The following MYO9A variants were observed in gnomAD, a reference collection of about 807,000 sequenced individuals.
MYO9A encodes the protein myosin IXA.
MYO9A carries 103 observed loss-of-function variants against 293.3 expected under a neutral mutation model. The observed-to-expected ratio is 0.35, with a 90% confidence interval of 0.30 to 0.41. The LOEUF is 0.41. Ranked by LOEUF, MYO9A falls within the 10% of genes least tolerant of loss-of-function variation. The probability of loss-of-function intolerance (pLI) is 1.00; values close to 1 mark genes in which losing one functional copy is unlikely to be tolerated. For synonymous variants in MYO9A, 1,001 were observed against 1,035.7 expected (o/e 0.97, Z 0.64); for missense variants, 2,685 against 3,033.0 (o/e 0.89, Z 2.69).
chr15:71,992,001 C>A (rs547169631), intron 10 of MYO9A, among the ~76,000 whole-genome samples: 2 of 152,100 alleles, frequency 1.3e-5, no homozygotes, highest in Non-Finnish European at 2.9e-5. Context: ...GTGATCCACC[C>A]GCCTCGGCCT....
At chr15:71,863,690 G>A (rs2723354) in intron 32 of MYO9A, among the ~76,000 whole-genome samples, 307 of 152,248 alleles carry the variant, frequency 2.0e-3, no homozygotes, top group African/African-American at 7.3e-3. Context: ...ATAAATGTAT[G>A]TGGTACAAGT....
chr15:72,044,243 C>T (rs2078315475), intron 2 of MYO9A, among the ~76,000 whole-genome samples: 1 of 151,920 alleles, frequency 6.6e-6, no homozygotes, highest in Non-Finnish European at 1.5e-5. Flanking sequence ...CCCTACTCTA[C>T]TAAAAATACA....
At chr15:71,921,156 T>G (rs1332375447) in intron 18 of MYO9A, among the ~76,000 whole-genome samples, 1 of 152,100 alleles carries the variant, frequency 6.6e-6, no homozygotes, top group Non-Finnish European at 1.5e-5. Context: ...CAGTTTCAAG[T>G]TAGGAGGGAA....
At chr15:71,892,754 A>G in intron 26 of MYO9A, 1 of 255,592 alleles carries the variant, frequency 3.9e-6, no homozygotes, top group Non-Finnish European at 7.6e-6. Context: ...TGCCAAGTCA[A>G]ATAATCTTAA....
rs376806332 is a variant in MYO9A at position 72,046,536 on chromosome 15, G to C, written c.28C>G (p.Arg10Gly). The change falls in exon 2 of 42, where the codon CGC (arginine) becomes GGC (glycine). Residue 10 changes from arginine (R) to glycine (G), a missense_variant. This residue lies in a region of MYO9A where 67 missense variants were observed against 63.2 expected (regional missense o/e 1.06). Coordinates refer to ENST00000356056, the MANE Select transcript of MYO9A (RefSeq NM_006901.4). MNINDGGRR[R>G]FEDNEHTLRI... ...AATGTATGTTCATTATCTTCAAAGC[G>C]TCGTCTTCCTCCATCATTTATATTC... 1 of 1,603,910 alleles carries C rather than the reference G, an allele frequency of 6.2e-7. No individual in the cohort carries two copies. Among genetic ancestry groups the C allele is most frequent in the Admixed American group, 1.7e-5 (1 of 58,656 alleles).
At chr15:71,963,021 C>T (rs966064146) in intron 13 of MYO9A, among the ~76,000 whole-genome samples, 3 of 152,160 alleles carry the variant, frequency 2.0e-5, no homozygotes, top group Non-Finnish European at 4.4e-5. Context: ...TCTAAGTCCT[C>T]ATTGCTAGTT....
chr15:71,997,537 T>C (rs1397096293), intron 9 of MYO9A, among the ~76,000 whole-genome samples: 1 of 151,718 alleles, frequency 6.6e-6, no homozygotes, highest in East Asian at 1.9e-4. Flanking sequence ...GAGGCAGAGG[T>C]TGCAGTGAGC....
chr15:72,079,047 T>C (rs754304008), intron 1 of MYO9A, among the ~76,000 whole-genome samples: 2 of 152,206 alleles, frequency 1.3e-5, no homozygotes, highest in African/African-American at 2.4e-5. Flanking sequence ...GGTACAGACA[T>C]GTCATTATAC....
chr15:71,969,667 T>C (rs1041999379), intron 12 of MYO9A, among the ~76,000 whole-genome samples: 2 of 152,202 alleles, frequency 1.3e-5, no homozygotes, highest in African/African-American at 2.4e-5. Flanking sequence ...AAGCTTATGA[T>C]ATACTTTCTC....
chr15:72,050,170 T>G (rs2078512980), intron 1 of MYO9A, among the ~76,000 whole-genome samples: 1 of 151,932 alleles, frequency 6.6e-6, no homozygotes, highest in African/African-American at 2.4e-5. Context: ...GTTTTTTTTT[T>G]TACAAAAAGG....
chr15:71,962,920 T>G (rs946276298), intron 13 of MYO9A, among the ~76,000 whole-genome samples: 2 of 152,216 alleles, frequency 1.3e-5, no homozygotes, highest in Admixed American at 6.5e-5. Context: ...AAGTACATTA[T>G]CAACTGACCA....
rs776289534 is a variant in MYO9A at position 72,046,173 on chromosome 15, GTTC to G, written c.388_390del (p.Glu130del). 2 of 1,614,088 alleles carry G rather than the reference GTTC, an allele frequency of 1.2e-6. No individual in the cohort carries two copies. The highest frequency in any genetic ancestry group is 1.7e-5 in the Admixed American group (1 of 60,000). The stretch of plus-strand genomic sequence containing the variant: ...AAACCCCGTTCCATCATCCTGCGAC[GTTC>G]TTCTGTTACCCGTAGCCATGACTGC... On this transcript the variant is annotated inframe_deletion, in exon 2 of 42. Coordinates refer to ENST00000356056, the MANE Select transcript of MYO9A (RefSeq NM_006901.4).
chr15:72,012,841 G>A (rs2077214082), intron 6 of MYO9A, among the ~76,000 whole-genome samples: 1 of 152,090 alleles, frequency 6.6e-6, no homozygotes, highest in Non-Finnish European at 1.5e-5. Flanking sequence ...AACAATTAAT[G>A]TATATAAAAT....
At position 71,903,939 on chromosome 15, in the gene MYO9A, T is replaced by C; in HGVS notation, c.2867A>G (p.Tyr956Cys). 1 of 1,613,616 alleles carries C rather than the reference T, an allele frequency of 6.2e-7. No individual in the cohort carries two copies. The highest frequency in any genetic ancestry group is 8.5e-7 in the Non-Finnish European group (1 of 1,179,712). The change falls in exon 21 of 42, where the codon TAT becomes TGT. Residue 956 changes from tyrosine (Y) to cysteine (C), a missense_variant. Tyr to Cys is a radical substitution (Grantham distance 194). Around this residue, in one of 10 missense-constraint regions of MYO9A, gnomAD observed 1,434 missense variants for 1,497.7 expected, o/e 0.96. Transcript: ENST00000356056. ...CTATAAAAACAGAACCTGGAAAGAA[T>C]ATTTGGAGCTGTATCCTGATTGGCG... ...RIRQSGYSSK[Y>C]SFQDFVSHFH... is the part of the protein sequence containing the mutation.
intron 16 of MYO9A, among the ~76,000 whole-genome samples, chr15:71,938,378 A>G (rs2058691282): frequency 6.6e-6 from 1 of 152,062 alleles, no homozygotes; most frequent in Non-Finnish European, 1.5e-5. Flanking sequence ...AAAATTATTT[A>G]TATTTGTTAC....
intron 1 of MYO9A, among the ~76,000 whole-genome samples, chr15:72,080,349 TC>T (rs2079505367): frequency 6.6e-6 from 1 of 151,676 alleles, no homozygotes; most frequent in African/African-American, 2.4e-5. Flanking sequence ...ATTTTAATTT[TC>T]CTTGATAAGG....
chr15:72,089,130 A>G (rs1206156700), intron 1 of MYO9A, among the ~76,000 whole-genome samples: 1 of 152,184 alleles, frequency 6.6e-6, no homozygotes, highest in South Asian at 2.1e-4. Flanking sequence ...TATTACCTCA[A>G]GAGTCAAAAC....
At chr15:72,100,722 G>A (rs969876410) in intron 1 of MYO9A, among the ~76,000 whole-genome samples, 135 of 149,972 alleles carry the variant, frequency 9.0e-4, no homozygotes, top group South Asian at 2.8e-3. Flanking sequence ...CCCTCTGCCC[G>A]GCAACCACCC....
intron 32 of MYO9A, among the ~76,000 whole-genome samples, chr15:71,868,118 C>T (rs995987056): frequency 1.3e-5 from 2 of 152,150 alleles, no homozygotes; most frequent in Non-Finnish European, 2.9e-5. Flanking sequence ...TTGACAAGGG[C>T]GTGTGCCCTT....
Sources: allele counts gnomAD v4.1 joint callset (sites outside exome capture counted in the v4.1 genomes callset), GRCh38; gene constraint gnomAD v4.1.1; regional missense constraint gnomAD v4.1.1; transcripts MANE v1.5; gene names NCBI Gene and HGNC (gene_info 2026-07-23, HGNC 2026-07-21).